Variants in MDFIC observed in about 807,000 individuals in gnomAD.
The protein encoded by MDFIC is myoD family inhibitor domain-containing protein.
Under a neutral mutation model 23.2 loss-of-function variants are expected in MDFIC, and 17 were observed. That is an observed-to-expected ratio of 0.73 (90% CI 0.50 to 1.10). The LOEUF is 1.10. Ranked by LOEUF, MDFIC falls within the 50% of genes least tolerant of loss-of-function variation. MDFIC has a pLI of 0.00. For synonymous variants in MDFIC, 120 were observed against 115.2 expected (o/e 1.04, Z -0.27); for missense variants, 356 against 316.6 (o/e 1.12, Z -0.95).
At chr7:115,013,668 T>C (rs940797811) in intron 4 of MDFIC, among the ~76,000 whole-genome samples, 1 of 152,226 alleles carries the variant, frequency 6.6e-6, no homozygotes, top group Admixed American at 6.5e-5. Flanking sequence ...TTCTAAGTAA[T>C]AATGAAGCTG....
At chr7:115,007,630 G>GTGTATATATATATATATA (rs369718965) in intron 4 of MDFIC, among the ~76,000 whole-genome samples, 2 of 132,878 alleles carry the variant, frequency 1.5e-5, no homozygotes, top group African/African-American at 6.2e-5. Flanking sequence ...GCGTGTGTGT[G>GTGTATATATATATATATA]TATATATATA....
At chr7:115,005,197 A>C (rs574749625) in intron 4 of MDFIC, among the ~76,000 whole-genome samples, 6 of 152,238 alleles carry the variant, frequency 3.9e-5, no homozygotes, top group African/African-American at 1.4e-4. Context: ...TGACCTGTTC[A>C]AGATATTCAC....
intron 3 of MDFIC, among the ~76,000 whole-genome samples, chr7:114,972,168 T>G (rs1212797934): frequency 6.6e-6 from 1 of 152,128 alleles, no homozygotes; most frequent in Non-Finnish European, 1.5e-5. Flanking sequence ...AAGTAACTTT[T>G]GTAAGACCAC....
At chr7:114,956,323 T>G (rs1407684509) in intron 3 of MDFIC, among the ~76,000 whole-genome samples, 2 of 151,466 alleles carry the variant, frequency 1.3e-5, no homozygotes, top group African/African-American at 4.9e-5. Flanking sequence ...GTTCTTGGGC[T>G]TAATACATAA....
intron 2 of MDFIC, among the ~76,000 whole-genome samples, chr7:114,934,689 T>A (rs1199218514): frequency 6.6e-6 from 1 of 152,196 alleles, no homozygotes; most frequent in Non-Finnish European, 1.5e-5. Context: ...ATGAATTAAA[T>A]TACGTTGATT....
intron 4 of MDFIC, chr7:115,014,185 A>G (rs1362134292): frequency 2.8e-5 from 28 of 985,238 alleles, no homozygotes; most frequent in Non-Finnish European, 3.3e-5. Flanking sequence ...ACAAAGTTAG[A>G]GACTGCAGAG....
chr7:114,978,895 G>T (rs1396334988), intron 3 of MDFIC, among the ~76,000 whole-genome samples: 1 of 151,994 alleles, frequency 6.6e-6, no homozygotes, highest in African/African-American at 2.4e-5. Context: ...TGGTAGATAT[G>T]TTTTATTAAA....
chr7:114,987,270 TGTTTCAACAGTATTGTAA>T (rs1793531493), intron 4 of MDFIC, among the ~76,000 whole-genome samples: 2 of 152,168 alleles, frequency 1.3e-5, no homozygotes, highest in Non-Finnish European at 2.9e-5. Flanking sequence ...GTTACAATAC[TGTTTCAACAGTATTGTAA>T]AATCTTACAT....
chr7:114,929,251 C>T (rs1410399521), intron 2 of MDFIC, among the ~76,000 whole-genome samples: 3 of 152,216 alleles, frequency 2.0e-5, no homozygotes, highest in Non-Finnish European at 2.9e-5. Flanking sequence ...GGACTACAGG[C>T]GTGTGCCACC....
At chr7:114,925,903 G>A (rs930699024) in intron 2 of MDFIC, among the ~76,000 whole-genome samples, 1 of 152,134 alleles carries the variant, frequency 6.6e-6, no homozygotes, top group Non-Finnish European at 1.5e-5. Context: ...AAAATAGAAA[G>A]TAAACATGTA....
chr7:115,005,802 T>G (rs924427559), intron 4 of MDFIC, among the ~76,000 whole-genome samples: 3 of 152,202 alleles, frequency 2.0e-5, no homozygotes, highest in African/African-American at 7.2e-5. Flanking sequence ...TGGCTTGCAA[T>G]AGTGCCTTAA....
intron 4 of MDFIC, chr7:115,014,322 A>G (rs1791747596): frequency 8.1e-7 from 1 of 1,234,250 alleles, no homozygotes; most frequent in Non-Finnish European, 1.0e-6. Context: ...TTTGTAGCCA[A>G]GGAAGTTATA....
chr7:114,982,732 A>G (rs780540798), intron 4 of MDFIC, among the ~76,000 whole-genome samples: 15 of 152,128 alleles, frequency 9.9e-5, no homozygotes, highest in Non-Finnish European at 1.6e-4. Context: ...GAGACTGGGT[A>G]TTTGATAAAG....
intron 3 of MDFIC, among the ~76,000 whole-genome samples, chr7:114,979,047 G>T (rs377305351): frequency 1.3e-5 from 2 of 151,852 alleles, no homozygotes; most frequent in East Asian, 1.9e-4. Flanking sequence ...GTATTGTCTG[G>T]CTTTGAATAC....
intron 3 of MDFIC, among the ~76,000 whole-genome samples, chr7:114,959,968 C>T (rs1296508138): frequency 6.6e-6 from 1 of 151,984 alleles, no homozygotes; most frequent in Non-Finnish European, 1.5e-5. Flanking sequence ...AAGGTGCAGG[C>T]AGCACATAAC....
intron 1 of MDFIC, 25 bp downstream of exon 1, chr7:114,922,661 A>G (rs1398532690): frequency 7.6e-7 from 1 of 1,313,826 alleles, no homozygotes; most frequent in East Asian, 3.1e-5. Context: ...CCGGGCGGGG[A>G]AGAGGAGGGG....
chr7:115,018,620 A>G lies in MDFIC; in HGVS notation c.*2685A>G, dbSNP rs1353285032. 1 of 152,462 alleles carries G rather than the reference A, an allele frequency of 6.6e-6. No individual in the cohort carries two copies. Among genetic ancestry groups the G allele is most frequent in the Non-Finnish European group, 1.5e-5 (1 of 67,870 alleles). The allele number at this position is 152,462 out of a possible 1,614,324, so 9.4% of individuals were successfully genotyped here. On this transcript the variant is annotated 3_prime_UTR_variant, in exon 5 of 5. Transcript: ENST00000393486. ...AAATGTTTTGTTGAAGTATATGGCTATCATGACTAAGTGCTAGAATTTATA... is the reference window on the plus strand; with the variant it reads ...AAATGTTTTGTTGAAGTATATGGCTGTCATGACTAAGTGCTAGAATTTATA...
At chr7:114,970,884 G>A (rs1238820420) in intron 3 of MDFIC, among the ~76,000 whole-genome samples, 4 of 152,164 alleles carry the variant, frequency 2.6e-5, no homozygotes, top group Non-Finnish European at 5.9e-5. Flanking sequence ...AAAGGCAAGT[G>A]GGGGCTGAAC....
At chr7:114,960,504 A>T (rs1291815848) in intron 3 of MDFIC, among the ~76,000 whole-genome samples, 1 of 152,122 alleles carries the variant, frequency 6.6e-6, no homozygotes, top group Non-Finnish European at 1.5e-5. Flanking sequence ...GCAAACACAT[A>T]TCAAAAGGGA....
Sources: allele counts gnomAD v4.1 joint callset (sites outside exome capture counted in the v4.1 genomes callset), GRCh38; gene constraint gnomAD v4.1.1; transcripts MANE v1.5; gene names NCBI Gene and HGNC (gene_info 2026-07-23, HGNC 2026-07-21).